HSPA12A: variants seen among roughly 807,000 people sequenced by gnomAD.
HSPA12A encodes heat shock protein family A (Hsp70) member 12A, also known as heat shock 70 kDa protein 12A.
Under a neutral mutation model 69.2 loss-of-function variants are expected in HSPA12A, and 28 were observed. That is an observed-to-expected ratio of 0.40 (90% CI 0.30 to 0.55). The LOEUF (loss-of-function observed/expected upper bound fraction) is 0.55, where lower values mean the gene tolerates loss of function less well. HSPA12A is among the 20% of genes least tolerant of loss of function. The pLI is 0.38. For missense variants in HSPA12A, 686 were observed against 900.7 expected, an observed-to-expected ratio of 0.76 and a Z score of 3.05; for synonymous variants, 345 against 370.5, an observed-to-expected ratio of 0.93 and a Z score of 0.79.
chr10:116,747,825 C>T (rs1235998128), intron 2 of HSPA12A, among the ~76,000 whole-genome samples: 2 of 151,822 alleles, frequency 1.3e-5, no homozygotes, highest in Admixed American at 6.6e-5. Flanking sequence ...ATGGTGAAAC[C>T]CCGTCTCTAC....
chr10:116,794,130 G>A (rs1333301801), intron 2 of HSPA12A, among the ~76,000 whole-genome samples: 2 of 151,976 alleles, frequency 1.3e-5, no homozygotes, highest in East Asian at 1.9e-4. Context: ...GCGTGAACCC[G>A]GGAGGTGGAG....
rs1849494730 is a variant in HSPA12A at position 116,683,923 on chromosome 10, T to C, written c.703A>G (p.Ile235Val). Reference protein sequence around the residue: ...ASPENSEQLIIALEPEAASIY... With the variant: ...ASPENSEQLIVALEPEAASIY... The stretch of plus-strand genomic sequence containing the variant: ...GAGGCTGCCTCAGGCTCCAAGGCAA[T>C]GATGAGCTGCTCCGAGTTCTCGGGG... Residue 235 changes from isoleucine to valine, a missense_variant, in exon 7 of 12, where the codon ATT (isoleucine) becomes GTT (valine). Transcript: ENST00000369209. 1 of 1,589,136 alleles carries C rather than the reference T, an allele frequency of 6.3e-7. No homozygotes were observed. Among genetic ancestry groups the C allele is most frequent in the South Asian group, 1.1e-5 (1 of 89,640 alleles).
At chr10:116,849,434 T>C (rs1564840584) in intron 1 of HSPA12A, 9 of 1,279,424 alleles carry the variant, frequency 7.0e-6, no homozygotes, top group Non-Finnish European at 9.3e-6. Flanking sequence ...GGAACGACTT[T>C]TACCGCAGGA....
chr10:116,705,272 T>A lies in HSPA12A; in HGVS notation c.133A>T (p.Thr45Ser), dbSNP rs782066422. The part of the protein sequence containing the change: ...PLSPSHIVND[T>S]DSNVSEQQSF... ...TGCTGTTCTGAGACGTTGGAGTCAG[T>A]GTCGTTCTGCAGATATACAGTGAGG... is the stretch of plus-strand genomic sequence containing the variant. Residue 45 changes from threonine (T) to serine (S), a missense_variant, in exon 3 of 12, where the codon ACT (threonine) becomes TCT (serine). Coordinates refer to ENST00000369209, the MANE Select transcript of HSPA12A (RefSeq NM_025015.3). 1 of 1,614,004 alleles carries A rather than the reference T, an allele frequency of 6.2e-7. No homozygotes were observed. Among genetic ancestry groups the A allele is most frequent in the Non-Finnish European group, 8.5e-7 (1 of 1,179,992 alleles).
Position 116,672,963 on chromosome 10 carries a change from G to A in HSPA12A, c.*1818C>T, listed in dbSNP as rs1849126975. On this transcript the variant is annotated 3_prime_UTR_variant, in exon 12 of 12. Transcript: ENST00000369209. ...TAGGGAATTCTGCAGCAGGCGATGC[G>A]AAAAAGAAGACATGGTCAAATGAAA... 6.6e-6 allele frequency: 1 copy of A among 152,600 alleles called. No individual in the cohort carries two copies. The highest frequency in any genetic ancestry group is 1.5e-5 in the Non-Finnish European group (1 of 68,038). The allele number at this position is 152,600 out of a possible 1,614,324, so 9.5% of individuals were successfully genotyped here.
rs74556329 is a variant in HSPA12A, at chr10:116,685,065, C to T, written c.664-1103G>A. Among the ~76,000 whole-genome samples, 180 of 152,346 alleles carry T rather than the reference C, an allele frequency of 1.2e-3. 2 individuals are homozygous for T. The highest frequency in any genetic ancestry group is 4.1e-3 in the African/African-American group (169 of 41,592). On this transcript the variant is annotated intron_variant, in intron 6 of 11. Transcript: ENST00000369209. ...CAGCCCGATGGACCACGGAAGAACA[C>T]TTCATCCCTGCCACTGCCGTGGTGC...
At chr10:116,799,414 T>G (rs1589713762) in intron 2 of HSPA12A, among the ~76,000 whole-genome samples, 1 of 152,160 alleles carries the variant, frequency 6.6e-6, no homozygotes, top group Non-Finnish European at 1.5e-5. Context: ...GAGACGTGGG[T>G]TCACATTCCA....
At chr10:116,805,369 T>C (rs1845046633) in intron 2 of HSPA12A, among the ~76,000 whole-genome samples, 1 of 152,066 alleles carries the variant, frequency 6.6e-6, no homozygotes, top group Non-Finnish European at 1.5e-5. Context: ...ATTTTAAAGC[T>C]GGAGTTGAAG....
intron 2 of HSPA12A, among the ~76,000 whole-genome samples, chr10:116,787,440 C>CAAAAAAAAA (rs776783179): frequency 1.5e-5 from 1 of 68,608 alleles, no homozygotes; most frequent in Non-Finnish European, 2.8e-5. Context: ...CTCTAGCCAG[C>CAAAAAAAAA]AAAAAAAAAA....
rs77984058 is a variant in HSPA12A at position 116,837,202 on chromosome 10, T to C, written c.4-2180A>G. On this transcript the variant is annotated intron_variant, in intron 1 of 12. Coordinates refer to the HSPA12A transcript ENST00000635765. ...GGGATAAATCACTTTGTCACAGACA[T>C]GAACCTGCCTACAAAATAAAAAACT... is the stretch of plus-strand genomic sequence containing the variant. Among the ~76,000 whole-genome samples, 680 of 152,316 alleles carry C rather than the reference T, an allele frequency of 4.5e-3. 2 individuals carry two copies. The highest frequency in any genetic ancestry group is 6.8e-3 in the Middle Eastern group (2 of 294).
rs1849103985 is a variant in HSPA12A, at chr10:116,672,207, T to C, written c.*2574A>G. On this transcript the variant is annotated 3_prime_UTR_variant, in exon 12 of 12. Coordinates refer to ENST00000369209, the MANE Select transcript of HSPA12A (RefSeq NM_025015.3). The stretch of plus-strand genomic sequence containing the variant: ...TTGGTTTCTTTCTTTGACCCTAGCA[T>C]CCTGAAAACATCACACACAGTGGAC... 1 of 152,244 alleles carries C rather than the reference T, an allele frequency of 6.6e-6. No individual in the cohort carries two copies. The highest frequency in any genetic ancestry group is 2.1e-4 in the South Asian group (1 of 4,828). 9.4% of individuals were successfully genotyped at this position (152,244 alleles called of 1,614,324 possible). A position where few individuals can be genotyped will look rare whatever the true frequency, so the allele number is the denominator to read the frequency against.
chr10:116,732,245 G>A (rs1273248667), intron 1 of HSPA12A, among the ~76,000 whole-genome samples: 1 of 151,066 alleles, frequency 6.6e-6, no homozygotes, highest in Non-Finnish European at 1.5e-5. Context: ...CAGGAGAATC[G>A]TTTGAACCCG....
intron 2 of HSPA12A, among the ~76,000 whole-genome samples, chr10:116,790,092 CTTTTTTTTTTTTTTT>C (rs140785704): frequency 2.9e-5 from 2 of 69,120 alleles, no homozygotes; most frequent in African/African-American, 5.1e-5. Flanking sequence ...GATAATCTTT[CTTTTTTTTTTTTTTT>C]TTTTTTTTTT....
chr10:116,677,867 A>G (rs577001575), intron 10 of HSPA12A, among the ~76,000 whole-genome samples: 2 of 152,348 alleles, frequency 1.3e-5, no homozygotes, highest in Admixed American at 1.3e-4. Flanking sequence ...TAGAATTGCC[A>G]TTGTTTAAAA....
chr10:116,767,050 G>C (rs1284621218), intron 2 of HSPA12A, among the ~76,000 whole-genome samples: 1 of 152,168 alleles, frequency 6.6e-6, no homozygotes, highest in African/African-American at 2.4e-5. Flanking sequence ...ATGACCCTGA[G>C]ATGGGCTAGG....
In HSPA12A at chr10:116,842,695, C is replaced by A. The variant is rs181432464; in HGVS notation, c.3+6871G>T. ...TCAGCTCACTACAACCTCTGCCTCC[C>A]GGGTTCAAGCGATTCTCCTGCCTCA... On this transcript the variant is annotated intron_variant, in intron 1 of 12. Coordinates refer to the HSPA12A transcript ENST00000635765. Among the ~76,000 whole-genome samples, 33 of 152,226 alleles carry A rather than the reference C, an allele frequency of 2.2e-4. No individual in the cohort carries two copies. The East Asian group carries it at 6.4e-3, about 29-fold the overall frequency.
At chr10:116,736,452 CT>C (rs1851318550) in intron 1 of HSPA12A, among the ~76,000 whole-genome samples, 1 of 152,222 alleles carries the variant, frequency 6.6e-6, no homozygotes, top group African/African-American at 2.4e-5. Flanking sequence ...TAATAGCCCC[CT>C]GGTACCGATG....
At chr10:116,798,659 G>A (rs1844888981) in intron 2 of HSPA12A, among the ~76,000 whole-genome samples, 1 of 152,126 alleles carries the variant, frequency 6.6e-6, no homozygotes, top group Non-Finnish European at 1.5e-5. Flanking sequence ...GCGTTTGACA[G>A]CCATTGGCCT....
At chr10:116,734,853 G>T (rs1271739516) in intron 1 of HSPA12A, among the ~76,000 whole-genome samples, 2 of 151,940 alleles carry the variant, frequency 1.3e-5, no homozygotes, top group Admixed American at 6.6e-5. Flanking sequence ...TTAGCCAGGC[G>T]TGGTGGTGGG....
Sources: allele counts gnomAD v4.1 joint callset (sites outside exome capture counted in the v4.1 genomes callset), GRCh38; gene constraint gnomAD v4.1.1; transcripts MANE v1.5; gene names NCBI Gene and HGNC (gene_info 2026-07-23, HGNC 2026-07-21).